AATF: variants seen among roughly 807,000 people sequenced by gnomAD.
The protein encoded by AATF is protein AATF.
Under a neutral mutation model 63.7 loss-of-function variants are expected in AATF, and 48 were observed. The observed-to-expected ratio is 0.75, with a 90% confidence interval of 0.60 to 0.96. The LOEUF is 0.96. Among genes scored for constraint, AATF ranks in the 40% least tolerant of loss-of-function variants. AATF has a pLI of 0.00. For synonymous variants in AATF, 258 were observed against 247.7 expected (o/e 1.04, Z -0.39); for missense variants, 639 against 685.7 (o/e 0.93, Z 0.76).
intron 11 of AATF, among the ~76,000 whole-genome samples, chr17:37,037,020 T>C (rs575717846): frequency 6.6e-6 from 1 of 151,288 alleles, no homozygotes. Context: ...GTTTTTTTTT[T>C]TTTTTTGAGA....
At chr17:37,010,500 T>A (rs2071382568) in intron 8 of AATF, among the ~76,000 whole-genome samples, 1 of 152,098 alleles carries the variant, frequency 6.6e-6, no homozygotes, top group African/African-American at 2.4e-5. Context: ...TGTGTATATA[T>A]GGAGCTCCTT....
chr17:37,009,034 T>C (rs1039032774), intron 8 of AATF, among the ~76,000 whole-genome samples: 3 of 152,208 alleles, frequency 2.0e-5, no homozygotes, highest in Non-Finnish European at 2.9e-5. Flanking sequence ...CTTTTTCCTT[T>C]AGGAAATGAG....
Position 36,964,623 on chromosome 17 carries a change from GTCA to G in AATF, c.832+10718_832+10720del, listed in dbSNP as rs1485807456. On this transcript the variant is annotated intron_variant, in intron 4 of 11. Transcript: ENST00000619387. Reference sequence around the variant, plus strand: ...TTGTGTTTTCTTCCCTGTTTTTTCAGTCATGGCTCCTAGGCCACTCAAAGGAGA... The same window carrying G: ...TTGTGTTTTCTTCCCTGTTTTTTCAGTGGCTCCTAGGCCACTCAAAGGAGA... Among the ~76,000 whole-genome samples, 4 of 152,316 alleles carry G rather than the reference GTCA, an allele frequency of 2.6e-5. No individual in the cohort carries two copies. In the South Asian group the frequency reaches 8.3e-4, roughly 32 times the overall value.
intron 4 of AATF, among the ~76,000 whole-genome samples, chr17:36,970,540 TC>T (rs760232594): frequency 0.12 from 13,305 of 114,640 alleles, 1,920 homozygotes; most frequent in African/African-American, 0.35. Flanking sequence ...CTTTCTTTTT[TC>T]TTTTTTTTTT....
intron 8 of AATF, among the ~76,000 whole-genome samples, chr17:36,993,704 C>A (rs1346096344): frequency 6.6e-6 from 1 of 151,902 alleles, no homozygotes; most frequent in Admixed American, 6.6e-5. Context: ...ATAATACATT[C>A]CCCCTTTTTT....
intron 4 of AATF, among the ~76,000 whole-genome samples, chr17:36,985,841 G>A (rs1427800078): frequency 3.3e-5 from 5 of 152,030 alleles, no homozygotes; most frequent in East Asian, 1.9e-4. Context: ...GAGCCACAGC[G>A]CCCGGCCGAC....
At chr17:37,025,211 C>A (rs2071501927) in intron 10 of AATF, among the ~76,000 whole-genome samples, 1 of 151,950 alleles carries the variant, frequency 6.6e-6, no homozygotes, top group South Asian at 2.1e-4. Flanking sequence ...AGGAGAACAT[C>A]TTTTTTGTTG....
At position 36,950,304 on chromosome 17, in the gene AATF, C is replaced by G; in HGVS notation, c.182C>G (p.Ser61Ter). 6.2e-7 allele frequency: 1 copy of G among 1,614,178 alleles called. No homozygotes were observed. The highest frequency in any genetic ancestry group is 1.3e-5 in the African/African-American group (1 of 75,030). Reference protein sequence around the residue: ...LVVGSIRKLASASLLDTDKRY... With the variant: ...LVVGSIRKLA ...GTGGGTAGCATTAGAAAACTGGCAT[C>G]AGCCTCCCTCTTGGACACGGACAAA... The change falls in exon 2 of 12, where the codon TCA (serine) becomes TGA (stop). Residue 61 changes from serine to a stop codon, truncating the protein, a stop_gained. Transcript: ENST00000619387. LOFTEE classifies it high-confidence loss of function.
chr17:37,002,077 C>G (rs1471626044), intron 8 of AATF, among the ~76,000 whole-genome samples: 1 of 151,810 alleles, frequency 6.6e-6, no homozygotes, highest in Non-Finnish European at 1.5e-5. Context: ...TGGTGTACGC[C>G]TGTAATCCCA....
chr17:36,956,971 TC>T (rs919304505), intron 4 of AATF, among the ~76,000 whole-genome samples: 14 of 148,088 alleles, frequency 9.5e-5, no homozygotes, highest in Non-Finnish European at 1.3e-4. Flanking sequence ...AGCGAAACTG[TC>T]CCCCCCGAAA....
chr17:36,977,953 C>G lies in AATF; in HGVS notation c.833-8664C>G, dbSNP rs1048124398. 2.6e-5 allele frequency among the ~76,000 whole-genome samples: 4 copies of G among 152,140 alleles called. No homozygotes were observed. The South Asian group carries it at 8.3e-4, about 31-fold the overall frequency. On this transcript the variant is annotated intron_variant, in intron 4 of 11. Transcript: ENST00000619387. The stretch of plus-strand genomic sequence containing the variant: ...ATAGGGCTTTTTAAGGATTTATTGA[C>G]ATACTTCATCAAGGTATTTGAGAGA...
chr17:36,960,339 C>T (rs2070937276), intron 4 of AATF, among the ~76,000 whole-genome samples: 2 of 152,068 alleles, frequency 1.3e-5, no homozygotes, highest in African/African-American at 4.8e-5. Flanking sequence ...GGTAATTTGT[C>T]CTCAGCAATA....
chr17:36,978,984 G>A (rs2071100140), intron 4 of AATF, among the ~76,000 whole-genome samples: 3 of 151,920 alleles, frequency 2.0e-5, no homozygotes, highest in Non-Finnish European at 4.4e-5. Context: ...CCTCATGCCT[G>A]GGTAGCCCGC....
At chr17:37,026,604 A>C (rs1303370742) in intron 10 of AATF, among the ~76,000 whole-genome samples, 2 of 152,272 alleles carry the variant, frequency 1.3e-5, no homozygotes, top group African/African-American at 2.4e-5. Flanking sequence ...CATCTGTGAA[A>C]GGAGTATAAT....
chr17:37,032,093 A>G (rs528909714), intron 11 of AATF, among the ~76,000 whole-genome samples: 1 of 152,212 alleles, frequency 6.6e-6, no homozygotes, highest in Admixed American at 6.5e-5. Flanking sequence ...GTGTTTTTAC[A>G]AAAGATGTAT....
intron 11 of AATF, among the ~76,000 whole-genome samples, chr17:37,044,952 G>A (rs999545274): frequency 3.3e-5 from 5 of 152,216 alleles, no homozygotes; most frequent in African/African-American, 1.2e-4. Context: ...CAGTGTTCTG[G>A]ACTCTGCTTT....
rs181823136 is a variant in AATF at position 37,031,925 on chromosome 17, C to T, written c.1619+240C>T. Among the ~76,000 whole-genome samples the T allele has an allele frequency of 2.1e-3, 317 of 152,286 alleles. 1 individual carries two copies. Among genetic ancestry groups the T allele is most frequent in the African/African-American group, 7.0e-3 (292 of 41,548 alleles). The stretch of plus-strand genomic sequence containing the variant: ...TTTCCTGTTTTGTTTTGAACTTTAG[C>T]CCAGCGCCCTGGGACATGTGAGCTC... On this transcript the variant is annotated intron_variant, in intron 11 of 11. Coordinates refer to ENST00000619387, the MANE Select transcript of AATF (RefSeq NM_012138.4).
chr17:37,013,996 A>G (rs2071411264), intron 8 of AATF, among the ~76,000 whole-genome samples: 1 of 152,052 alleles, frequency 6.6e-6, no homozygotes, highest in Admixed American at 6.6e-5. Context: ...TGCTGGCTGT[A>G]TTCCTGGGAC....
At chr17:36,962,585 G>A (rs958664999) in intron 4 of AATF, among the ~76,000 whole-genome samples, 49 of 147,526 alleles carry the variant, frequency 3.3e-4, no homozygotes, top group African/African-American at 1.2e-3. Flanking sequence ...TTTTTTGACT[G>A]CTCCATAGAC....
Sources: allele counts gnomAD v4.1 joint callset (sites outside exome capture counted in the v4.1 genomes callset), GRCh38; gene constraint gnomAD v4.1.1; transcripts MANE v1.5; gene names NCBI Gene and HGNC (gene_info 2026-07-23, HGNC 2026-07-21).